DLGAP2: variants seen among roughly 807,000 people sequenced by gnomAD.
DLGAP2 encodes disks large-associated protein 2.
Under a neutral mutation model 100.3 loss-of-function variants are expected in DLGAP2, and 26 were observed. The observed-to-expected ratio is 0.26, with a 90% CI of 0.19 to 0.36. The LOEUF is 0.36. DLGAP2 is among the 10% of genes least tolerant of loss of function. DLGAP2 has a pLI of 1.00. For synonymous variants in DLGAP2, 886 were observed against 630.1 expected (o/e 1.41, Z -6.08); for missense variants, 1,858 against 1,453.2 (o/e 1.28, Z -4.53).
At chr8:1,469,126 T>C (rs1323147912) in intron 3 of DLGAP2, among the ~76,000 whole-genome samples, 1 of 152,186 alleles carries the variant, frequency 6.6e-6, no homozygotes, top group East Asian at 1.9e-4. Context: ...GGGCGCCCCG[T>C]GTCCAGCTGG....
At chr8:927,411 G>C (rs2129002593) in intron 2 of DLGAP2, among the ~76,000 whole-genome samples, 1 of 152,252 alleles carries the variant, frequency 6.6e-6, no homozygotes, top group South Asian at 2.1e-4. Context: ...GGGTCTACCT[G>C]AGCATACGCG....
At chr8:750,762 G>C (rs1820769183) in intron 1 of DLGAP2, among the ~76,000 whole-genome samples, 1 of 152,246 alleles carries the variant, frequency 6.6e-6, no homozygotes, top group Non-Finnish European at 1.5e-5. Flanking sequence ...AGGCTGATGG[G>C]AGAACAGTGT....
intron 2 of DLGAP2, among the ~76,000 whole-genome samples, chr8:1,241,498 C>T (rs962814087): frequency 1.3e-5 from 2 of 152,210 alleles, no homozygotes; most frequent in East Asian, 1.9e-4. Context: ...CAGTTACTCT[C>T]GGAGGCCTAT....
chr8:1,671,753 G>A (rs760134497), intron 10 of DLGAP2, among the ~76,000 whole-genome samples: 1 of 152,210 alleles, frequency 6.6e-6, no homozygotes, highest in Non-Finnish European at 1.5e-5. Context: ...CTGTTCCTCA[G>A]ATGTCTGGCC....
chr8:1,378,865 C>A (rs1166854000), intron 3 of DLGAP2, among the ~76,000 whole-genome samples: 1 of 152,192 alleles, frequency 6.6e-6, no homozygotes, highest in East Asian at 1.9e-4. Flanking sequence ...CCCTTCAGGG[C>A]AGTGTGGTCG....
intron 2 of DLGAP2, among the ~76,000 whole-genome samples, chr8:1,206,718 G>T (rs1798003263): frequency 6.6e-6 from 1 of 152,198 alleles, no homozygotes; most frequent in African/African-American, 2.4e-5. Flanking sequence ...GCCTGGCACA[G>T]TCCTTAGCTG....
At chr8:1,619,605 A>G (rs1797263235) in intron 6 of DLGAP2, 1 of 152,228 alleles carries the variant, frequency 6.6e-6, no homozygotes, top group Admixed American at 6.5e-5. Context: ...GAGTCACAAT[A>G]CAGGTCTTGC....
At chr8:1,465,937 T>C (rs1446279039) in intron 3 of DLGAP2, among the ~76,000 whole-genome samples, 1 of 152,084 alleles carries the variant, frequency 6.6e-6, no homozygotes, top group Non-Finnish European at 1.5e-5. Context: ...GGTCCCTGCC[T>C]TGGGGAGAGA....
In DLGAP2 at chr8:1,464,759, C is replaced by G. The variant is rs569223072; in HGVS notation, c.107-36607C>G. Among the ~76,000 whole-genome samples, 26 of 152,348 alleles carry G rather than the reference C, an allele frequency of 1.7e-4. 1 individual carries two copies. Among genetic ancestry groups the G allele is most frequent in the Admixed American group, 1.6e-3 (24 of 15,312 alleles). On this transcript the variant is annotated intron_variant, in intron 3 of 14. Transcript: ENST00000637795. Reference sequence around the variant, plus strand: ...GCCAGAAGGGCTCACTGCCTCACGCCTCACCGTCCTGGCCTCCAGCGAAGC... The same window carrying G: ...GCCAGAAGGGCTCACTGCCTCACGCGTCACCGTCCTGGCCTCCAGCGAAGC...
chr8:1,360,005 A>T (rs1283787446), intron 3 of DLGAP2, among the ~76,000 whole-genome samples: 1 of 152,182 alleles, frequency 6.6e-6, no homozygotes, highest in Non-Finnish European at 1.5e-5. Flanking sequence ...CCGGTGTTTC[A>T]GCAAAGAATC....
rs1418596791 is a variant in DLGAP2, at chr8:1,311,043, C to G, written c.106+52160C>G. 4.8e-5 allele frequency among the ~76,000 whole-genome samples: 7 copies of G among 144,838 alleles called. No homozygotes were observed. In the South Asian group the frequency reaches 1.3e-3, roughly 27 times the overall value. On this transcript the variant is annotated intron_variant, in intron 3 of 14. Transcript: ENST00000637795. ...ATTGGCAAACCTTGAATGACACTGA[C>G]AAAGAAAAAAAAAAGAGAACACATA...
intron 2 of DLGAP2, chr8:926,954 G>A: frequency 1.1e-6 from 1 of 892,122 alleles, no homozygotes; most frequent in Non-Finnish European, 1.3e-6. Flanking sequence ...CGCTGTGGGG[G>A]TGGGGACAGC....
At chr8:945,572 G>A (rs551935359) in intron 2 of DLGAP2, among the ~76,000 whole-genome samples, 5 of 152,174 alleles carry the variant, frequency 3.3e-5, no homozygotes, top group Middle Eastern at 3.4e-3. Flanking sequence ...TACTCAGCCC[G>A]GAGAACAGCT....
chr8:1,661,974 G>C (rs537933712), intron 8 of DLGAP2, among the ~76,000 whole-genome samples: 2 of 152,070 alleles, frequency 1.3e-5, no homozygotes, highest in African/African-American at 4.8e-5. Flanking sequence ...GGAAGAACAC[G>C]GTCACGCTCC....
At chr8:1,270,247 A>G (rs745504606) in intron 3 of DLGAP2, among the ~76,000 whole-genome samples, 1 of 152,192 alleles carries the variant, frequency 6.6e-6, no homozygotes, top group Non-Finnish European at 1.5e-5. Flanking sequence ...CCGTATACAC[A>G]GAAGGGACTT....
intron 2 of DLGAP2, among the ~76,000 whole-genome samples, chr8:1,089,279 G>T (rs1252075375): frequency 8.5e-5 from 13 of 152,262 alleles, no homozygotes; most frequent in Admixed American, 8.5e-4. Flanking sequence ...GCTTTCTCCG[G>T]ACATGGTCTA....
intron 2 of DLGAP2, among the ~76,000 whole-genome samples, chr8:916,713 G>T (rs772898946): frequency 6.6e-6 from 1 of 152,248 alleles, no homozygotes; most frequent in Non-Finnish European, 1.5e-5. Context: ...GGCTTCTCCA[G>T]TGTCAATGCA....
chr8:1,051,900 A>T (rs989353305), intron 2 of DLGAP2, among the ~76,000 whole-genome samples: 3 of 152,074 alleles, frequency 2.0e-5, no homozygotes, highest in Admixed American at 2.0e-4. Context: ...TCAACATGCC[A>T]TGGATTCATG....
rs190353067 is a variant in DLGAP2 at position 820,659 on chromosome 8, A to G, written c.18+82834A>G. Among the ~76,000 whole-genome samples, 8 of 152,334 alleles carry G rather than the reference A, an allele frequency of 5.3e-5. No homozygotes were observed. The East Asian group carries it at 1.4e-3, about 26-fold the overall frequency. The stretch of plus-strand genomic sequence containing the variant: ...TTGATATGTGGCAATGTAAATGGAA[A>G]CCAATGTTTTAGTAGCATTTTGGGC... On this transcript the variant is annotated intron_variant, in intron 1 of 14. Transcript: ENST00000637795.
Sources: allele counts gnomAD v4.1 joint callset (sites outside exome capture counted in the v4.1 genomes callset), GRCh38; gene constraint gnomAD v4.1.1; transcripts MANE v1.5; gene names NCBI Gene and HGNC (gene_info 2026-07-23, HGNC 2026-07-21).